RUFY2: variants seen among roughly 807,000 people sequenced by gnomAD.
RUFY2 encodes RUN and FYVE domain-containing protein 2.
A neutral mutation model predicts 94.4 loss-of-function variants in RUFY2; 49 were observed. That is an observed-to-expected ratio of 0.52 (90% confidence interval 0.41 to 0.66). The LOEUF (loss-of-function observed/expected upper bound fraction) is 0.66, where lower values mean the gene tolerates loss of function less well. Among genes scored for constraint, RUFY2 ranks in the 30% least tolerant of loss-of-function variants. RUFY2 has a pLI of 0.00. For synonymous variants in RUFY2, 255 were observed against 235.7 expected (o/e 1.08, Z -0.75); for missense variants, 541 against 692.8 (o/e 0.78, Z 2.46).
In RUFY2 at chr10:68,345,197, CAAT is replaced by C. The variant is rs1433653471; in HGVS notation, c.*568_*570del. ...AGCTGAAAATCTTCAGCAAGCACGA[CAAT>C]AACTGATTTTTAAAGAGACCAAGAG... On this transcript the variant is annotated 3_prime_UTR_variant, in exon 18 of 18. Coordinates refer to ENST00000602465, the MANE Select transcript of RUFY2 (RefSeq NM_001330103.2). The C allele has an allele frequency of 6.3e-6, 1 of 158,988 alleles. No individual in the cohort carries two copies. Among genetic ancestry groups the C allele is most frequent in the Non-Finnish European group, 1.4e-5 (1 of 72,958 alleles). The allele number at this position is 158,988 out of a possible 1,614,324, so 9.8% of individuals were successfully genotyped here. A position where few individuals can be genotyped will look rare whatever the true frequency, so the allele number is the denominator to read the frequency against.
intron 13 of RUFY2, among the ~76,000 whole-genome samples, chr10:68,366,619 T>C (rs1160779909): frequency 6.7e-6 from 1 of 148,646 alleles, no homozygotes. Context: ...GCACACACAT[T>C]TAATCCCAGC....
chr10:68,376,060 G>A (rs1350738634), intron 13 of RUFY2, among the ~76,000 whole-genome samples: 3 of 145,274 alleles, frequency 2.1e-5, no homozygotes. Flanking sequence ...CCAAGGTCGT[G>A]CCATTGCACT....
chr10:68,390,865 C>G (rs2049923931), intron 7 of RUFY2, among the ~76,000 whole-genome samples: 1 of 151,610 alleles, frequency 6.6e-6, no homozygotes, highest in Admixed American at 6.6e-5. Context: ...GTCCTGGGCT[C>G]AAGAGATCTT....
intron 10 of RUFY2, among the ~76,000 whole-genome samples, chr10:68,383,112 G>T (rs943423065): frequency 6.6e-6 from 1 of 152,152 alleles, no homozygotes; most frequent in Admixed American, 6.5e-5. Context: ...ATCACTTGAG[G>T]CCAGGAGTTT....
rs576388613 is a variant in RUFY2, at chr10:68,390,934, A to AT, written c.650+2203dup. Among the ~76,000 whole-genome samples the AT allele has an allele frequency of 4.2e-3, 527 of 124,176 alleles. 1 individual carries two copies. The highest frequency in any genetic ancestry group is 9.1e-3 in the African/African-American group (304 of 33,414). 81.5% of individuals were successfully genotyped at this position (124,176 alleles called of 152,430 possible). ...TGCATGAGCCATCACACCTGGCCTAATTTTTTTTTTTTTTTTTTGAGATGG... is the reference window on the plus strand; with the variant it reads ...TGCATGAGCCATCACACCTGGCCTAATTTTTTTTTTTTTTTTTTTGAGATGG... On this transcript the variant is annotated intron_variant, in intron 7 of 17. Coordinates refer to ENST00000602465, the MANE Select transcript of RUFY2 (RefSeq NM_001330103.2).
intron 10 of RUFY2, among the ~76,000 whole-genome samples, chr10:68,382,394 A>T (rs1007688682): frequency 6.6e-6 from 1 of 151,686 alleles, no homozygotes; most frequent in African/African-American, 2.4e-5. Flanking sequence ...TATCAGAAGG[A>T]TTAAAAAGTT....
intron 12 of RUFY2, chr10:68,379,059 A>G: frequency 3.7e-6 from 1 of 268,328 alleles, no homozygotes; most frequent in Non-Finnish European, 6.9e-6. Context: ...GGTGAATGGC[A>G]AAGAATATGA....
chr10:68,357,776 T>C (rs1000834109), intron 15 of RUFY2, among the ~76,000 whole-genome samples: 3 of 152,178 alleles, frequency 2.0e-5, no homozygotes, highest in Non-Finnish European at 4.4e-5. Context: ...ATTATCATTA[T>C]AGTAAATGGT....
intron 16 of RUFY2, among the ~76,000 whole-genome samples, chr10:68,350,453 T>C (rs2046583211): frequency 6.6e-6 from 1 of 152,146 alleles, no homozygotes; most frequent in South Asian, 2.1e-4. Context: ...CTTCAGCTGG[T>C]CAACAGCATG....
intron 15 of RUFY2, among the ~76,000 whole-genome samples, chr10:68,360,240 C>G (rs1005130978): frequency 5.3e-5 from 8 of 151,706 alleles, no homozygotes; most frequent in Non-Finnish European, 1.0e-4. Flanking sequence ...GAGTTTGAGA[C>G]CAGCCTGGGC....
At chr10:68,374,062 A>G (rs926198390) in intron 13 of RUFY2, among the ~76,000 whole-genome samples, 1 of 141,020 alleles carries the variant, frequency 7.1e-6, no homozygotes, top group Non-Finnish European at 1.5e-5. Context: ...GGCTGCAGTG[A>G]GCTATGATCA....
chr10:68,363,629 T>C lies in RUFY2; in HGVS notation c.1511A>G (p.Gln504Arg). Residue 504 changes from glutamine (Q) to arginine (R), a missense_variant, in exon 15 of 18, where the codon CAA becomes CGA. Transcript: ENST00000602465. ...NQQLKKIYHEQEQALQELGNK... is the reference protein window; with the variant it reads ...NQQLKKIYHEREQALQELGNK... Reference sequence around the variant, plus strand: ...GCCGAGTTCTTGAAGAGCTTGCTCTTGTTCATGATATATTTTTTTCAACTG... The same window carrying C: ...GCCGAGTTCTTGAAGAGCTTGCTCTCGTTCATGATATATTTTTTTCAACTG... 6.2e-7 allele frequency: 1 copy of C among 1,609,480 alleles called. No homozygotes were observed. Among genetic ancestry groups the C allele is most frequent in the East Asian group, 2.2e-5 (1 of 44,826 alleles).
At chr10:68,406,985 C>T (rs2051375501) in intron 1 of RUFY2, 7 of 1,527,848 alleles carry the variant, frequency 4.6e-6, no homozygotes, top group Non-Finnish European at 6.2e-6. Flanking sequence ...CGGGAACGGG[C>T]CGGAACAAGG....
chr10:68,347,135 A>G (rs61857312), intron 16 of RUFY2, among the ~76,000 whole-genome samples: 15,182 of 151,862 alleles, frequency 0.1, 1,030 homozygotes, highest in South Asian at 0.24. Context: ...CAAGAAAAAG[A>G]GGGGAAAAAA....
intron 13 of RUFY2, among the ~76,000 whole-genome samples, chr10:68,371,139 A>G (rs1488214363): frequency 6.6e-6 from 1 of 151,206 alleles, no homozygotes; most frequent in Non-Finnish European, 1.5e-5. Context: ...CTCAAAAAAA[A>G]AAAAAAAAAA....
At chr10:68,389,248 T>C (rs2049791136) in intron 7 of RUFY2, among the ~76,000 whole-genome samples, 1 of 152,186 alleles carries the variant, frequency 6.6e-6, no homozygotes, top group African/African-American at 2.4e-5. Flanking sequence ...GACACCAGTA[T>C]TGCTGTAACT....
chr10:68,342,010 G>A (rs753010046), downstream of RUFY2: 2 of 1,614,064 alleles, frequency 1.2e-6, no homozygotes, highest in Non-Finnish European at 1.7e-6. Context: ...AGGTTACTAT[G>A]GGCAAGGCGG....
At chr10:68,387,435 A>G (rs1034566044) in intron 7 of RUFY2, among the ~76,000 whole-genome samples, 5 of 152,228 alleles carry the variant, frequency 3.3e-5, no homozygotes, top group African/African-American at 1.2e-4. Flanking sequence ...AATATTCTAT[A>G]TGTAGTATGT....
intron 16 of RUFY2, among the ~76,000 whole-genome samples, chr10:68,349,845 A>T (rs1410372356): frequency 2.0e-5 from 3 of 150,974 alleles, no homozygotes; most frequent in African/African-American, 4.9e-5. Flanking sequence ...GCCAGAAAAA[A>T]TTTTTTAAAT....
Sources: gnomAD v4.1 joint callset for allele counts (sites outside exome capture counted in the v4.1 genomes callset) on GRCh38, gnomAD v4.1.1 for gene constraint, MANE v1.5 for transcripts, NCBI Gene and HGNC (gene_info 2026-07-23, HGNC 2026-07-21) for gene names.